The following SLC7A8 variants were observed in gnomAD, a reference collection of about 807,000 sequenced individuals.
SLC7A8 encodes the protein large neutral amino acids transporter small subunit 2.
SLC7A8 carries 30 observed loss-of-function variants against 51.2 expected under a neutral mutation model. That is an observed-to-expected ratio of 0.59 (90% CI 0.44 to 0.80). The LOEUF is 0.80. Among genes scored for constraint, SLC7A8 ranks in the 30% least tolerant of loss-of-function variants. The pLI, the probability that SLC7A8 is intolerant of heterozygous loss-of-function variation, is 0.00. For synonymous variants in SLC7A8, 257 were observed against 275.8 expected, an observed-to-expected ratio of 0.93 and a Z score of 0.67; for missense variants, 612 against 674.4, an observed-to-expected ratio of 0.91 and a Z score of 1.03.
At chr14:23,162,506 G>A (rs768039698) in intron 3 of SLC7A8, among the ~76,000 whole-genome samples, 4 of 152,210 alleles carry the variant, frequency 2.6e-5, no homozygotes, top group Non-Finnish European at 5.9e-5. Context: ...ACTTAGATAA[G>A]CTTTATTGAA....
chr14:23,142,323 G>A lies in SLC7A8; in HGVS notation c.634+756C>T, dbSNP rs575043741. On this transcript the variant is annotated intron_variant, in intron 4 of 10. Coordinates refer to ENST00000316902, the MANE Select transcript of SLC7A8 (RefSeq NM_012244.4). The stretch of plus-strand genomic sequence containing the variant: ...AGGGCCAAATCCAGTGGGGAATGTT[G>A]GCAGGGGCCCCGGGAATGCAGAGCT... Among the ~76,000 whole-genome samples, 62 of 152,264 alleles carry A rather than the reference G, an allele frequency of 4.1e-4. No individual in the cohort carries two copies. The South Asian group carries it at 5.0e-3, about 12-fold the overall frequency.
intron 1 of SLC7A8, among the ~76,000 whole-genome samples, chr14:23,173,801 C>A (rs145405684): frequency 6.6e-6 from 1 of 151,660 alleles, no homozygotes; most frequent in Non-Finnish European, 1.5e-5. Context: ...CCACCCCACC[C>A]GACTAATTTT....
intron 1 of SLC7A8, among the ~76,000 whole-genome samples, chr14:23,180,396 C>A (rs1877121671): frequency 6.6e-6 from 1 of 152,204 alleles, no homozygotes; most frequent in Admixed American, 6.5e-5. Flanking sequence ...GACTCAACAG[C>A]AACTCGGGAG....
At chr14:23,177,041 T>C (rs1876958700) in intron 1 of SLC7A8, among the ~76,000 whole-genome samples, 1 of 151,972 alleles carries the variant, frequency 6.6e-6, no homozygotes, top group African/African-American at 2.4e-5. Context: ...AGTAGCTAGA[T>C]CAGCATCCAG....
chr14:23,130,956 A>G (rs2048626868), intron 8 of SLC7A8, among the ~76,000 whole-genome samples: 1 of 152,142 alleles, frequency 6.6e-6, no homozygotes, highest in Non-Finnish European at 1.5e-5. Context: ...CACAGTTTCC[A>G]GTTTATCAGT....
intron 3 of SLC7A8, among the ~76,000 whole-genome samples, chr14:23,148,201 A>G (rs1396735951): frequency 2.0e-5 from 3 of 152,058 alleles, no homozygotes; most frequent in African/African-American, 7.2e-5. Flanking sequence ...TTTAAATGAC[A>G]AAAGGAACTT....
chr14:23,138,088 A>G, intron 6 of SLC7A8, 64 bp from the exon 7 acceptor site: 2 of 1,584,506 alleles, frequency 1.3e-6, no homozygotes, highest in Non-Finnish European at 1.7e-6. Context: ...CTCAGCTCCC[A>G]CTTCACTCTG....
At position 23,127,311 on chromosome 14, in the gene SLC7A8, C is replaced by CACACATCT. The variant is rs756603492; in HGVS notation, c.1466_1473dup (p.Val492ArgfsTer263). On this transcript the variant is annotated frameshift_variant, in exon 11 of 11. Transcript: ENST00000316902. LOFTEE classifies it low-confidence loss of function (END_TRUNC). ...CGCTCCACCTCGGGGTACACGACCACACACATCTTCTGGCTCACCAGGGTT... is the reference window on the plus strand; with the variant it reads ...CGCTCCACCTCGGGGTACACGACCACACACATCTACACATCTTCTGGCTCACCAGGGTT... The CACACATCT allele has an allele frequency of 1.2e-6, 2 of 1,614,120 alleles. No individual in the cohort carries two copies. The highest frequency in any genetic ancestry group is 4.5e-5 in the East Asian group (2 of 44,874).
chr14:23,173,880 A>C (rs565384708), intron 1 of SLC7A8, among the ~76,000 whole-genome samples: 1 of 152,222 alleles, frequency 6.6e-6, no homozygotes, highest in East Asian at 1.9e-4. Flanking sequence ...GATCCAAGTG[A>C]TCCTCCCACC....
At chr14:23,157,941 C>T (rs933102211) in intron 3 of SLC7A8, among the ~76,000 whole-genome samples, 2 of 152,182 alleles carry the variant, frequency 1.3e-5, no homozygotes, top group Non-Finnish European at 2.9e-5. Context: ...TAAGTATCCC[C>T]ATGCCTGCCA....
At chr14:23,129,283 A>G (rs933360234) in intron 9 of SLC7A8, 3 of 175,160 alleles carry the variant, frequency 1.7e-5, no homozygotes, top group African/African-American at 7.1e-5. Context: ...TCATTCTGGG[A>G]TGGAGACATA....
chr14:23,128,186 A>G lies in SLC7A8; in HGVS notation c.1274T>C (p.Leu425Pro), dbSNP rs2048597629. Residue 425 changes from leucine (L) to proline (P), a missense_variant, in exon 10 of 11, where the codon CTG becomes CCG. Physicochemically the swap from Leu to Pro is moderately conservative, Grantham distance 98. Transcript: ENST00000316902. This position sits in a 1 kb window ranked among gnomAD's most constrained non-coding sequence, Gnocchi z 4.3. Reference sequence around the variant, plus strand: ...GAACAGCAAGTAGATGATGGGGAACAGCAGGTTGATCTGTGGAGCAGAGGC... The same window carrying G: ...GAACAGCAAGTAGATGATGGGGAACGGCAGGTTGATCTGTGGAGCAGAGGC... The part of the protein sequence containing the change: ...DIPRPIKINL[L>P]FPIIYLLFWA... The G allele has an allele frequency of 6.2e-7, 1 of 1,614,132 alleles. No homozygotes were observed. The highest frequency in any genetic ancestry group is 2.2e-5 in the East Asian group (1 of 44,878).
At chr14:23,175,214 GTGTTTGTT>G (rs772359532) in intron 1 of SLC7A8, among the ~76,000 whole-genome samples, 3 of 152,058 alleles carry the variant, frequency 2.0e-5, no homozygotes, top group East Asian at 1.9e-4. Context: ...GTGGTGTTTT[GTGTTTGTT>G]TGTTTGTTTG....
intron 6 of SLC7A8, 146 bp from the exon 7 acceptor site, chr14:23,138,170 C>G (rs1389581191): frequency 2.6e-5 from 25 of 948,672 alleles, no homozygotes; most frequent in Non-Finnish European, 3.6e-5. Context: ...CCCACCCTCT[C>G]AAGGGTGGAC....
At chr14:23,180,635 C>T (rs1877129399) in intron 1 of SLC7A8, among the ~76,000 whole-genome samples, 1 of 152,156 alleles carries the variant, frequency 6.6e-6, no homozygotes, top group African/African-American at 2.4e-5. Context: ...AGATTATTCT[C>T]CCATTGAAGT....
At chr14:23,127,980 A>C in intron 10 of SLC7A8, 39 bp downstream of exon 10, 1 of 1,584,844 alleles carries the variant, frequency 6.3e-7, no homozygotes, top group Non-Finnish European at 8.6e-7. Flanking sequence ...ATTCCAGCCC[A>C]GGAGGCCCTG....
chr14:23,154,433 G>A (rs1253739944), intron 3 of SLC7A8: 5 of 990,110 alleles, frequency 5.0e-6, no homozygotes, highest in Non-Finnish European at 6.0e-6. Context: ...GGGCCTGTGG[G>A]GGCGTGGGTG....
intron 3 of SLC7A8, among the ~76,000 whole-genome samples, chr14:23,163,394 C>A (rs761787329): frequency 3.3e-5 from 5 of 152,184 alleles, no homozygotes; most frequent in African/African-American, 7.2e-5. Flanking sequence ...ATTCCTCTGC[C>A]TCCAGATCTG....
intron 4 of SLC7A8, 93 bp downstream of exon 4, chr14:23,142,986 A>C: frequency 6.8e-7 from 1 of 1,477,202 alleles, no homozygotes; most frequent in Admixed American, 1.9e-5. Flanking sequence ...GGGAAATCTC[A>C]GGGTGTGGCA....
Sources: gnomAD v4.1 joint callset for allele counts (sites outside exome capture counted in the v4.1 genomes callset) on GRCh38, gnomAD v4.1.1 for gene constraint, Gnocchi (gnomAD v3.1) non-coding constraint, MANE v1.5 for transcripts, NCBI Gene and HGNC (gene_info 2026-07-23, HGNC 2026-07-21) for gene names.